The following MALAT1 variants were observed in gnomAD, a reference collection of about 807,000 sequenced individuals.
MALAT1 encodes the protein hepcarcin.
chr11:65,503,479 T>C (rs370630118), exon 3 of MALAT1: 36 of 517,728 alleles, frequency 7.0e-5, no homozygotes, highest in Admixed American at 1.6e-4. Context: ...GAAATTTGTT[T>C]AGCATTGAAT....
intron 3 of MALAT1, chr11:65,504,284 G>C (rs1246624358): frequency 1.9e-6 from 1 of 516,964 alleles, no homozygotes; most frequent in Non-Finnish European, 3.9e-6. Flanking sequence ...GATGGGAGGA[G>C]GGGGTGGGGC....
chr11:65,497,815 C>T (rs561911415), exon 1 of MALAT1: 15 of 510,788 alleles, frequency 2.9e-5, no homozygotes, highest in South Asian at 1.5e-4. Context: ...AGCGCAGCGC[C>T]ATTTTAGCAA....
exon 3 of MALAT1, chr11:65,503,284 TC>T: frequency 5.8e-6 from 3 of 517,696 alleles, no homozygotes; most frequent in Non-Finnish European, 1.2e-5. Flanking sequence ...CATGGCACTT[TC>T]TCCTGACCCC....
exon 3 of MALAT1, chr11:65,501,274 T>G (rs539662901): frequency 1.9e-6 from 1 of 517,000 alleles, no homozygotes; most frequent in Non-Finnish European, 3.9e-6. Flanking sequence ...TCTTTTTCCC[T>G]TAGGTCTGTC....
chr11:65,501,106 G>A (rs1191390045), exon 3 of MALAT1: 1 of 515,448 alleles, frequency 1.9e-6, no homozygotes, highest in Admixed American at 2.0e-5. Flanking sequence ...ATGTTTAGTT[G>A]GGGTAATGAA....
chr11:65,499,614 G>T, exon 3 of MALAT1: 1 of 449,354 alleles, frequency 2.2e-6, no homozygotes, highest in Non-Finnish European at 4.4e-6. Flanking sequence ...AAGATTAATT[G>T]GGAGTGGTAG....
exon 3 of MALAT1, chr11:65,503,846 A>T (rs762572202): frequency 1.5e-5 from 8 of 518,294 alleles, no homozygotes; most frequent in East Asian, 1.1e-4. Flanking sequence ...AGCATATAAT[A>T]ATTCCAGGCA....
rs188469226 is a variant in MALAT1, at chr11:65,503,344, A to G, written n.4607A>G. On this transcript the variant is annotated non_coding_transcript_exon_variant, in exon 3 of 4. Coordinates refer to ENST00000619449, the Ensembl canonical transcript of MALAT1. Reference sequence around the variant, plus strand: ...AGAAATTTTTCCATCGAGCCTTTTTAAAATTGTAGGACTTGTTCCTGTGGG... The same window carrying G: ...AGAAATTTTTCCATCGAGCCTTTTTGAAATTGTAGGACTTGTTCCTGTGGG... The G allele has an allele frequency of 1.3e-3, 691 of 518,856 alleles. 2 individuals are homozygous for G. The highest frequency in any genetic ancestry group is 2.4e-3 in the Non-Finnish European group (613 of 259,822). The allele number at this position is 518,856 out of a possible 1,614,324, so 32.1% of individuals were successfully genotyped here.
exon 3 of MALAT1, chr11:65,503,765 C>G (rs202101732): frequency 3.9e-6 from 2 of 515,548 alleles, no homozygotes; most frequent in Non-Finnish European, 7.7e-6. Flanking sequence ...TGGACCAGAT[C>G]AGGATTTGAG....
intron 3 of MALAT1, chr11:65,505,003 C>G (rs753608250): frequency 1.9e-6 from 1 of 518,744 alleles, no homozygotes; most frequent in Non-Finnish European, 3.8e-6. Flanking sequence ...CACCAGTGGA[C>G]AAAATGAGGA....
exon 3 of MALAT1, chr11:65,501,426 G>T (rs1417819237): frequency 1.9e-6 from 1 of 516,976 alleles, no homozygotes; most frequent in East Asian, 5.5e-5. Context: ...ATGTCCATTG[G>T]AGAAATGGCT....
At chr11:65,500,635 C>T (rs775702695) in exon 3 of MALAT1, 1 of 518,792 alleles carries the variant, frequency 1.9e-6, no homozygotes, top group Non-Finnish European at 3.8e-6. Flanking sequence ...GGAGCGAGTG[C>T]AATTTGGTGA....
exon 3 of MALAT1, chr11:65,500,511 G>C: frequency 1.9e-6 from 1 of 518,996 alleles, no homozygotes; most frequent in Non-Finnish European, 3.8e-6. Flanking sequence ...GCAGCAGTTC[G>C]TGGTGAAGAT....
intron 1 of MALAT1, chr11:65,498,395 C>T (rs757515961): frequency 1.7e-5 from 9 of 518,394 alleles, no homozygotes; most frequent in Non-Finnish European, 2.7e-5. Context: ...CCAACGGCCC[C>T]CGGGGCTCAG....
chr11:65,500,587 C>G (rs1372741554), exon 3 of MALAT1: 5 of 518,718 alleles, frequency 9.6e-6, no homozygotes, highest in Non-Finnish European at 1.9e-5. Context: ...GGAGCGCTAA[C>G]GATTTGGTGG....
chr11:65,505,663 G>GT, intron 3 of MALAT1: 1 of 518,984 alleles, frequency 1.9e-6, no homozygotes, highest in Non-Finnish European at 3.8e-6. Flanking sequence ...CGGTTTCAAG[G>GT]TAACGATGGT....
chr11:65,501,914 A>G (rs1854555569), exon 3 of MALAT1: 1 of 517,378 alleles, frequency 1.9e-6, no homozygotes, highest in African/African-American at 1.9e-5. Flanking sequence ...GGTTTAGGTA[A>G]TTGTTTAGTT....
exon 3 of MALAT1, chr11:65,502,587 A>G: frequency 2.1e-6 from 1 of 482,818 alleles, no homozygotes; most frequent in South Asian, 1.6e-5. Flanking sequence ...TGTCTCTTAG[A>G]GGGTGGGCTT....
exon 3 of MALAT1, chr11:65,499,389 C>T (rs1268215234): frequency 4.1e-6 from 2 of 488,998 alleles, no homozygotes; most frequent in Non-Finnish European, 8.2e-6. Flanking sequence ...GAATTAATAC[C>T]AATAGAAGGG....
Sources: allele counts gnomAD v4.1 joint callset, GRCh38; gene constraint gnomAD v4.1.1; transcripts MANE v1.5; gene names NCBI Gene and HGNC (gene_info 2026-07-23, HGNC 2026-07-21).